The following GUCY1A2 variants were observed in gnomAD, a reference collection of about 807,000 sequenced individuals.
The protein encoded by GUCY1A2 is guanylate cyclase 1 soluble subunit alpha 2.
A neutral mutation model predicts 63.5 loss-of-function variants in GUCY1A2; 27 were observed. That is an observed-to-expected ratio of 0.43 (90% confidence interval 0.31 to 0.59). The LOEUF is 0.59. GUCY1A2 is among the 20% of genes least tolerant of loss of function. The pLI is 0.11. For synonymous variants in GUCY1A2, 364 were observed against 343.5 expected, an observed-to-expected ratio of 1.06 and a Z score of -0.66; for missense variants, 768 against 913.3, an observed-to-expected ratio of 0.84 and a Z score of 2.05.
At chr11:106,961,686 T>C (rs1861059792) in intron 3 of GUCY1A2, among the ~76,000 whole-genome samples, 1 of 152,214 alleles carries the variant, frequency 6.6e-6, no homozygotes, top group African/African-American at 2.4e-5. Flanking sequence ...CAAGCTGACT[T>C]TTCTCTTCTC....
Position 107,018,146 on chromosome 11 carries a change from G to C in GUCY1A2, c.-91C>G. 2 of 776,790 alleles carry C rather than the reference G, an allele frequency of 2.6e-6. No individual in the cohort carries two copies. The highest frequency in any genetic ancestry group is 3.5e-6 in the Non-Finnish European group (2 of 577,224). The allele number at this position is 776,790 out of a possible 1,614,324, so 48.1% of individuals were successfully genotyped here. A position where few individuals can be genotyped will look rare whatever the true frequency, so the allele number is the denominator to read the frequency against. On this transcript the variant is annotated 5_prime_UTR_variant, in exon 1 of 8. Transcript: ENST00000526355. ...GGTGGCGGGACCGGCAAGCGACAACGTTAAGCGCGTCGGGGCCGCGGGGCG... is the reference window on the plus strand; with the variant it reads ...GGTGGCGGGACCGGCAAGCGACAACCTTAAGCGCGTCGGGGCCGCGGGGCG...
At chr11:106,735,852 A>G in intron 6 of GUCY1A2, among the ~76,000 whole-genome samples, 1 of 151,932 alleles carries the variant, frequency 6.6e-6, no homozygotes, top group Non-Finnish European at 1.5e-5. Flanking sequence ...TGCTCATGGT[A>G]GTTTTGTTTT....
intron 4 of GUCY1A2, among the ~76,000 whole-genome samples, chr11:106,844,456 T>C (rs1409848405): frequency 6.6e-6 from 1 of 151,794 alleles, no homozygotes; most frequent in African/African-American, 2.4e-5. Context: ...ATTTGGCTCT[T>C]CTCCGTGGAT....
At position 106,683,159 on chromosome 11, in the gene GUCY1A2, G is replaced by A. The variant is rs1264131931; in HGVS notation, c.*4390C>T. On this transcript the variant is annotated 3_prime_UTR_variant, in exon 8 of 8. Transcript: ENST00000526355. ...AAATATGTTAAACTTCAATAATTCA[G>A]TCTCATGCATCATGATTTTTGGGTT... 1.4e-5 allele frequency: 3 copies of A among 215,222 alleles called. No homozygotes were observed. Among genetic ancestry groups the A allele is most frequent in the African/African-American group, 2.3e-5 (1 of 44,292 alleles). 13.3% of individuals were successfully genotyped at this position (215,222 alleles called of 1,614,324 possible).
chr11:106,898,709 G>A (rs1860085083), intron 4 of GUCY1A2, among the ~76,000 whole-genome samples: 1 of 152,134 alleles, frequency 6.6e-6, no homozygotes, highest in Admixed American at 6.5e-5. Context: ...GGTAGGGAAG[G>A]AGGAATAGAC....
At chr11:106,764,644 A>G (rs1864126879) in intron 6 of GUCY1A2, among the ~76,000 whole-genome samples, 1 of 152,120 alleles carries the variant, frequency 6.6e-6, no homozygotes, top group Non-Finnish European at 1.5e-5. Flanking sequence ...ATATGCATAT[A>G]TATTAGGAAG....
At chr11:106,793,888 T>A (rs527671962) in intron 5 of GUCY1A2, among the ~76,000 whole-genome samples, 1 of 152,258 alleles carries the variant, frequency 6.6e-6, no homozygotes, top group Non-Finnish European at 1.5e-5. Context: ...GGAACATTTG[T>A]ACACAGTTTT....
At chr11:106,738,198 A>G (rs189386025) in intron 6 of GUCY1A2, among the ~76,000 whole-genome samples, 15 of 152,140 alleles carry the variant, frequency 9.9e-5, no homozygotes, top group Non-Finnish European at 4.4e-5. Flanking sequence ...TCTTCTTCTG[A>G]AAGGTGTCTT....
chr11:106,991,071 C>T (rs1324775470), intron 1 of GUCY1A2, among the ~76,000 whole-genome samples: 1 of 152,152 alleles, frequency 6.6e-6, no homozygotes, highest in Non-Finnish European at 1.5e-5. Flanking sequence ...CTCACTGCAA[C>T]CTCTGCCTCC....
intron 5 of GUCY1A2, among the ~76,000 whole-genome samples, chr11:106,788,139 G>T (rs1864597581): frequency 6.6e-6 from 1 of 152,086 alleles, no homozygotes; most frequent in Admixed American, 6.5e-5. Context: ...GATGATCAAA[G>T]ATATTAAGCA....
At chr11:106,695,604 C>G (rs1327700109) in intron 7 of GUCY1A2, among the ~76,000 whole-genome samples, 1 of 152,124 alleles carries the variant, frequency 6.6e-6, no homozygotes, top group Non-Finnish European at 1.5e-5. Flanking sequence ...GAACTCTGCC[C>G]TGTATTTCTG....
At chr11:106,712,972 C>G (rs1863146594) in intron 6 of GUCY1A2, among the ~76,000 whole-genome samples, 1 of 152,142 alleles carries the variant, frequency 6.6e-6, no homozygotes, top group Non-Finnish European at 1.5e-5. Flanking sequence ...GTCAGAGGGT[C>G]TTTTTGCAAC....
In GUCY1A2 at chr11:106,675,704, A is replaced by T. The variant is rs1444185156; in HGVS notation, c.*11845T>A. ...TTTCTTTATCTGAACAAGTATTAAG[A>T]TTGTCCATCATTTCAAGACAAAGGT... On this transcript the variant is annotated 3_prime_UTR_variant, in exon 8 of 8. Coordinates refer to ENST00000526355, the MANE Select transcript of GUCY1A2 (RefSeq NM_000855.3). 5.3e-6 allele frequency: 1 copy of T among 188,438 alleles called. No homozygotes were observed. Among genetic ancestry groups the T allele is most frequent in the Non-Finnish European group, 1.1e-5 (1 of 90,436 alleles). 11.7% of individuals were successfully genotyped at this position (188,438 alleles called of 1,614,324 possible). A position where few individuals can be genotyped will look rare whatever the true frequency, so the allele number is the denominator to read the frequency against.
chr11:106,760,962 CAA>C (rs1447748258), intron 6 of GUCY1A2, among the ~76,000 whole-genome samples: 2 of 152,160 alleles, frequency 1.3e-5, no homozygotes, highest in African/African-American at 4.8e-5. Context: ...AAATGACACT[CAA>C]GAGGTCAAGA....
At chr11:106,938,741 A>C (rs1860712339) in intron 4 of GUCY1A2, among the ~76,000 whole-genome samples, 1 of 152,166 alleles carries the variant, frequency 6.6e-6, no homozygotes, top group Non-Finnish European at 1.5e-5. Flanking sequence ...GAGGGACAAA[A>C]TGTTCATTTA....
chr11:106,906,669 A>G (rs1453178953), intron 4 of GUCY1A2, among the ~76,000 whole-genome samples: 1 of 152,182 alleles, frequency 6.6e-6, no homozygotes, highest in South Asian at 2.1e-4. Flanking sequence ...CACAATAGCA[A>G]AGACTTGGAA....
Position 106,939,527 on chromosome 11 carries a change from A to T in GUCY1A2, c.1139T>A (p.Leu380Gln), listed in dbSNP as rs149775216. The change falls in exon 4 of 8, where the codon CTG (leucine) becomes CAG (glutamine). Residue 380 changes from leucine (L) to glutamine (Q), a missense_variant. Physicochemically the swap from Leu to Gln is moderately radical, Grantham distance 113 (BLOSUM62 -2). Coordinates refer to ENST00000526355, the MANE Select transcript of GUCY1A2 (RefSeq NM_000855.3). ...AATCACAAACGGGGTAGACAGTCGC[A>T]GCAGGACCCTTTCAAAGGTGGCATT... is the stretch of plus-strand genomic sequence containing the variant. Reference protein sequence around the residue: ...KVNATFERVLLRLSTPFVIRT... With the variant: ...KVNATFERVLQRLSTPFVIRT... 1.2e-6 allele frequency: 2 copies of T among 1,613,940 alleles called. No individual in the cohort carries two copies. The highest frequency in any genetic ancestry group is 1.7e-6 in the Non-Finnish European group (2 of 1,179,782).
chr11:106,728,690 T>C (rs554129511), intron 6 of GUCY1A2, among the ~76,000 whole-genome samples: 105 of 152,182 alleles, frequency 6.9e-4, no homozygotes, highest in Non-Finnish European at 1.4e-3. Context: ...TCTGAATAGT[T>C]AAAACTGAAG....
chr11:106,827,549 C>A, intron 4 of GUCY1A2: 1 of 1,457,518 alleles, frequency 6.9e-7, no homozygotes, highest in Non-Finnish European at 9.6e-7. Flanking sequence ...TTTGGTTTAG[C>A]TCCAGCACAC....
Sources: gnomAD v4.1 joint callset for allele counts (sites outside exome capture counted in the v4.1 genomes callset) on GRCh38, gnomAD v4.1.1 for gene constraint, MANE v1.5 for transcripts, NCBI Gene and HGNC (gene_info 2026-07-23, HGNC 2026-07-21) for gene names.